ENO1: variants seen among roughly 807,000 people sequenced by gnomAD.
ENO1 encodes the protein enolase 1, also known as alpha-enolase.
Under a neutral mutation model 46.3 loss-of-function variants are expected in ENO1, and 33 were observed. The observed-to-expected ratio is 0.71, with a 90% CI of 0.54 to 0.95. The LOEUF is 0.95. ENO1 is among the 40% of genes least tolerant of loss of function. The probability of loss-of-function intolerance (pLI) is 0.00; values close to 1 mark genes in which losing one functional copy is unlikely to be tolerated. For synonymous variants in ENO1, 220 were observed against 216.0 expected, an observed-to-expected ratio of 1.02 and a Z score of -0.16; for missense variants, 488 against 553.3, an observed-to-expected ratio of 0.88 and a Z score of 1.18.
At chr1:8,871,816 A>G (rs1230009073) in intron 3 of ENO1, 75 bp downstream of exon 3, 3 of 1,500,440 alleles carry the variant, frequency 2.0e-6, no homozygotes, top group East Asian at 4.5e-5. Flanking sequence ...TGCCACCCAG[A>G]GAGGACAGGA....
intron 5 of ENO1, among the ~76,000 whole-genome samples, chr1:8,867,552 A>C (rs12723193): frequency 1.2e-5 from 1 of 83,242 alleles, no homozygotes; most frequent in Admixed American, 9.9e-5. Flanking sequence ...TTCAAAAAAA[A>C]TTTTTTTTTT....
chr1:8,862,931 G>C lies in ENO1; in HGVS notation c.1191C>G (p.Ala397=). The C allele has an allele frequency of 6.2e-7, 1 of 1,614,130 alleles. No homozygotes were observed. The highest frequency in any genetic ancestry group is 8.5e-7 in the Non-Finnish European group (1 of 1,179,996). Residue 397 remains alanine (A), a synonymous_variant, in exon 11 of 12, where the codon GCC becomes GCG. Coordinates refer to ENST00000234590, the MANE Select transcript of ENO1 (RefSeq NM_001428.5). Reference sequence around the variant, plus strand: ...TGGCCAAGCGCTCAGATCGGCAAGGGGCACCAGTCTTGATCTAGGAGAAAA... The same window carrying C: ...TGGCCAAGCGCTCAGATCGGCAAGGCGCACCAGTCTTGATCTAGGAGAAAA... ...GLCTGQIKTG[A]PCRSERLAKY...
intron 1 of ENO1, among the ~76,000 whole-genome samples, chr1:8,877,111 C>T (rs1642751187): frequency 6.6e-6 from 1 of 152,070 alleles, no homozygotes; most frequent in Non-Finnish European, 1.5e-5. Context: ...GCGCCCACCA[C>T]CACACCCGGC....
At chr1:8,874,595 AAAAAAGAAAAAG>A (rs1557587521) in intron 2 of ENO1, among the ~76,000 whole-genome samples, 3 of 146,868 alleles carry the variant, frequency 2.0e-5, no homozygotes, top group Admixed American at 6.7e-5. Flanking sequence ...AAAAAAAAAA[AAAAAAGAAAAAG>A]AAAAAGAAAA....
At chr1:8,870,639 C>T (rs1046934823) in intron 3 of ENO1, 129 bp from the exon 4 acceptor site, 27 of 1,517,358 alleles carry the variant, frequency 1.8e-5, no homozygotes, top group Admixed American at 2.0e-5. Flanking sequence ...GACCTCTTCC[C>T]CCTCTCCCCT....
chr1:8,874,891 G>T lies in ENO1; in HGVS notation c.18C>A (p.Ile6=). The T allele has an allele frequency of 6.2e-7, 1 of 1,613,932 alleles. No individual in the cohort carries two copies. Among genetic ancestry groups the T allele is most frequent in the Non-Finnish European group, 8.5e-7 (1 of 1,179,894 alleles). The part of the protein sequence containing the change: MSILK[I]HAREIFDSRG... ...GAGAGTCAAAGATCTCCCTGGCATG[G>T]ATCTTGAGAATAGACATGGTGAACT... Residue 6 remains isoleucine (I), a synonymous_variant, in exon 2 of 12, where the codon ATC becomes ATA. Coordinates refer to ENST00000234590, the MANE Select transcript of ENO1 (RefSeq NM_001428.5).
Position 8,877,314 on chromosome 1 carries a change from C to G in ENO1, c.-10+1266G>C, listed in dbSNP as rs538214816. ...GTTGGTCAGGCTGGTCTCTAACTCC[C>G]GACCTCAGGTGATCCTGAGGAGGCC... is the stretch of plus-strand genomic sequence containing the variant. On this transcript the variant is annotated intron_variant, in intron 1 of 11. Transcript: ENST00000234590. Among the ~76,000 whole-genome samples the G allele has an allele frequency of 8.4e-4, 126 of 150,244 alleles. 2 individuals are homozygous for G. The highest frequency in any genetic ancestry group is 2.1e-3 in the African/African-American group (84 of 40,944).
At chr1:8,874,761 T>C in intron 2 of ENO1, 63 bp downstream of exon 2, 1 of 1,450,838 alleles carries the variant, frequency 6.9e-7, no homozygotes, top group Non-Finnish European at 9.5e-7. Context: ...CCAGCATTTG[T>C]AGAAAATTTT....
At chr1:8,872,355 G>A (rs1217537340) in intron 2 of ENO1, among the ~76,000 whole-genome samples, 2 of 151,828 alleles carry the variant, frequency 1.3e-5, no homozygotes, top group South Asian at 2.1e-4. Flanking sequence ...AATCCAATGC[G>A]AGCCACACAG....
chr1:8,871,390 CCA>C (rs1218391698), intron 3 of ENO1: 1 of 993,060 alleles, frequency 1.0e-6, no homozygotes, highest in Non-Finnish European at 1.2e-6. Flanking sequence ...GCTAGCTCTG[CCA>C]CAGAGCAGGG....
At chr1:8,877,156 G>C (rs565285313) in intron 1 of ENO1, among the ~76,000 whole-genome samples, 2 of 152,168 alleles carry the variant, frequency 1.3e-5, no homozygotes, top group East Asian at 1.9e-4. Flanking sequence ...ATGGGGTTTA[G>C]TAGAGTAGGA....
Position 8,861,236 on chromosome 1 carries a change from G to A in ENO1, c.*124C>T, listed in dbSNP as rs11544504. 1.3e-5 allele frequency: 12 copies of A among 956,056 alleles called. No individual in the cohort carries two copies. The highest frequency in any genetic ancestry group is 4.9e-5 in the African/African-American group (3 of 61,464). 59.2% of individuals were successfully genotyped at this position (956,056 alleles called of 1,614,324 possible). A position where few individuals can be genotyped will look rare whatever the true frequency, so the allele number is the denominator to read the frequency against. ...AAGGAAGCGGTACGAACTCCACGGCGGTGGGGCGCTAACTAGCAGGGACCC... is the reference window on the plus strand; with the variant it reads ...AAGGAAGCGGTACGAACTCCACGGCAGTGGGGCGCTAACTAGCAGGGACCC... On this transcript the variant is annotated 3_prime_UTR_variant, in exon 12 of 12. Transcript: ENST00000234590.
chr1:8,870,537 C>T (rs760409104), intron 3 of ENO1, 27 bp from the exon 4 acceptor site: 3 of 1,614,014 alleles, frequency 1.9e-6, no homozygotes, highest in Non-Finnish European at 2.5e-6. Context: ...AATCAAATTA[C>T]TGACATTAAC....
intron 2 of ENO1, among the ~76,000 whole-genome samples, chr1:8,874,577 CAAAAAAAAAAAAA>C (rs140269736): frequency 1.9e-5 from 1 of 51,602 alleles, no homozygotes; most frequent in African/African-American, 7.1e-5. Context: ...GACTCCATCT[CAAAAAAAAAAAAA>C]AAAAAAAAAA....
chr1:8,875,038 G>A, intron 1 of ENO1, 121 bp from the exon 2 acceptor site: 1 of 728,974 alleles, frequency 1.4e-6, no homozygotes, highest in Non-Finnish European at 2.2e-6. Flanking sequence ...ACTAAATACT[G>A]GATGTAGGAA....
intron 11 of ENO1, 27 bp downstream of exon 11, chr1:8,862,860 C>A (rs1157902475): frequency 1.2e-6 from 2 of 1,612,444 alleles, no homozygotes; most frequent in Admixed American, 1.7e-5. Context: ...GAACCACAGG[C>A]CCCTTGTTCT....
intron 2 of ENO1, among the ~76,000 whole-genome samples, chr1:8,872,829 T>TG (rs574535029): frequency 1.0e-3 from 158 of 152,162 alleles, no homozygotes; most frequent in African/African-American, 3.8e-3. Flanking sequence ...AGGATGGATG[T>TG]GGGGGGAAGG....
intron 4 of ENO1, among the ~76,000 whole-genome samples, chr1:8,869,790 C>A (rs1050442799): frequency 3.3e-5 from 5 of 152,232 alleles, no homozygotes; most frequent in South Asian, 2.1e-4. Flanking sequence ...CAACTCCTGA[C>A]CTCAAGTGAT....
intron 7 of ENO1, 168 bp downstream of exon 7, chr1:8,866,111 T>G: frequency 2.1e-6 from 1 of 476,448 alleles, no homozygotes; most frequent in African/African-American, 2.1e-5. Context: ...ATAAGTAAAA[T>G]AAAATGAAGC....
Sources: allele counts gnomAD v4.1 joint callset (sites outside exome capture counted in the v4.1 genomes callset), GRCh38; gene constraint gnomAD v4.1.1; transcripts MANE v1.5; gene names NCBI Gene and HGNC (gene_info 2026-07-23, HGNC 2026-07-21).